Variants in SLC13A5 observed in about 807,000 individuals in gnomAD.
The protein encoded by SLC13A5 is solute carrier family 13 member 5.
A neutral mutation model predicts 56.5 loss-of-function variants in SLC13A5; 25 were observed. The observed-to-expected ratio is 0.44, with a 90% confidence interval of 0.32 to 0.62. The LOEUF is 0.62. Among genes scored for constraint, SLC13A5 ranks in the 20% least tolerant of loss-of-function variants. The probability of loss-of-function intolerance (pLI) is 0.04; values close to 1 mark genes in which losing one functional copy is unlikely to be tolerated. For missense variants in SLC13A5, 649 were observed against 737.8 expected, an observed-to-expected ratio of 0.88 and a Z score of 1.39; for synonymous variants, 307 against 301.5, an observed-to-expected ratio of 1.02 and a Z score of -0.19.
At chr17:6,689,080 A>G (rs1973325378) in intron 10 of SLC13A5, 2 of 152,216 alleles carry the variant, frequency 1.3e-5, no homozygotes, top group Admixed American at 1.3e-4. Context: ...CATCATCATC[A>G]CATATGTTGG....
chr17:6,692,811 G>A lies in SLC13A5; in HGVS notation c.1275+233C>T, dbSNP rs1326587986. The A allele has an allele frequency of 1.8e-6, 1 of 548,698 alleles. No individual in the cohort carries two copies. The allele number at this position is 548,698 out of a possible 1,614,324, so 34.0% of individuals were successfully genotyped here. A position where few individuals can be genotyped will look rare whatever the true frequency, so the allele number is the denominator to read the frequency against. On this transcript the variant is annotated intron_variant, in intron 9 of 11. Coordinates refer to ENST00000433363, the MANE Select transcript of SLC13A5 (RefSeq NM_177550.5). This position sits in a 1 kb window ranked among gnomAD's most constrained non-coding sequence, Gnocchi z 5.5. ...CCTCTGCCTCTCTTGGCTAACCACG[G>A]TCACTCATTCACTCATTCCTGCAAT...
In SLC13A5 at chr17:6,713,268, G is replaced by A. The variant is rs1974089281; in HGVS notation, c.66C>T (p.Leu22=). The A allele has an allele frequency of 1.9e-6, 3 of 1,614,036 alleles. No homozygotes were observed. The highest frequency in any genetic ancestry group is 1.3e-5 in the African/African-American group (1 of 75,060). The part of the protein sequence containing the change: ...KSFVILFVTP[L]LLLPLVILMP... ...TCAGAATGACGAGTGGCAGCAGCAG[G>A]AGCGGGGTGACGAACAAGATCACGA... Residue 22 remains leucine (L), a synonymous_variant, in exon 1 of 12, where the codon CTC becomes CTT. Coordinates refer to ENST00000433363, the MANE Select transcript of SLC13A5 (RefSeq NM_177550.5). The surrounding 1 kb of genome is among the most constrained non-coding windows in gnomAD (Gnocchi z 7.3).
intron 3 of SLC13A5, chr17:6,704,977 A>C (rs533105400): frequency 2.6e-4 from 40 of 152,390 alleles, no homozygotes; most frequent in African/African-American, 9.4e-4. Flanking sequence ...CCAGCTGTCC[A>C]AGGCTAGGGA....
chr17:6,704,102 C>A (rs766804296), intron 3 of SLC13A5, 46 bp from the exon 4 acceptor site: 6 of 1,566,854 alleles, frequency 3.8e-6, no homozygotes, highest in Non-Finnish European at 5.2e-6. Flanking sequence ...CCCCACCCCA[C>A]CCCCGTACTC....
At position 6,706,659 on chromosome 17, in the gene SLC13A5, C is replaced by T. The variant is rs1237616499; in HGVS notation, c.351G>A (p.Val117=). The part of the protein sequence containing the change: ...KRIALRTLLW[V]GAKPARLMLG... ...GTAATTACCGTGCAGGCTTGGCCCC[C>T]ACCCAGAGGAGCGTGCGCAGGGCGA... is the stretch of plus-strand genomic sequence containing the variant. The change falls in exon 3 of 12, where the codon GTG becomes GTA. Residue 117 remains valine (V), a synonymous_variant. Transcript: ENST00000433363. The T allele has an allele frequency of 6.2e-7, 1 of 1,613,732 alleles. No individual in the cohort carries two copies. Among genetic ancestry groups the T allele is most frequent in the Non-Finnish European group, 8.5e-7 (1 of 1,179,940 alleles).
intron 8 of SLC13A5, among the ~76,000 whole-genome samples, chr17:6,693,772 A>C (rs1046720446): frequency 1.3e-5 from 2 of 152,266 alleles, no homozygotes; most frequent in Non-Finnish European, 2.9e-5. Context: ...ATACAGGCAT[A>C]TTAGCAAAGA....
chr17:6,694,085 CAGG>C lies in SLC13A5; in HGVS notation c.1156+9_1156+11del. On this transcript the variant is annotated intron_variant, in intron 8 of 11. Coordinates refer to ENST00000433363, the MANE Select transcript of SLC13A5 (RefSeq NM_177550.5). ...AGTCCTGATGACTGGGCGATCAGAACAGGAGACTTACCTTCCTCAGTCTGGCTG... is the reference window on the plus strand; with the variant it reads ...AGTCCTGATGACTGGGCGATCAGAACAGACTTACCTTCCTCAGTCTGGCTG... 1 of 1,596,994 alleles carries C rather than the reference CAGG, an allele frequency of 6.3e-7. No homozygotes were observed. Among genetic ancestry groups the C allele is most frequent in the African/African-American group, 1.3e-5 (1 of 74,572 alleles).
chr17:6,704,531 A>C (rs982418540), intron 3 of SLC13A5: 4 of 325,842 alleles, frequency 1.2e-5, no homozygotes, highest in Non-Finnish European at 2.5e-5. Flanking sequence ...AGAAGTTCAG[A>C]AGGGCTAAGC....
chr17:6,696,059 G>C (rs1338553774), intron 6 of SLC13A5, 118 bp from the exon 7 acceptor site: 2 of 868,180 alleles, frequency 2.3e-6, no homozygotes, highest in East Asian at 5.1e-5. Flanking sequence ...TGCTGTCCTC[G>C]CCTGCTATGG....
At chr17:6,704,590 ATTCTCC>A in intron 3 of SLC13A5, 1 of 248,902 alleles carries the variant, frequency 4.0e-6, no homozygotes, top group South Asian at 5.1e-5. Context: ...AAGTGTGACT[ATTCTCC>A]CGGCTGCCAC....
At chr17:6,698,272 T>C (rs1973612747) in intron 6 of SLC13A5, among the ~76,000 whole-genome samples, 1 of 152,190 alleles carries the variant, frequency 6.6e-6, no homozygotes, top group African/African-American at 2.4e-5. Context: ...AGCCCCCTGC[T>C]GCAGACACTC....
chr17:6,691,025 C>T, intron 9 of SLC13A5, 85 bp from the exon 10 acceptor site: 1 of 1,447,868 alleles, frequency 6.9e-7, no homozygotes, highest in East Asian at 2.3e-5. Flanking sequence ...CCATCCTCCC[C>T]TCCCGACCCT....
chr17:6,696,032 A>G (rs1196516201), intron 6 of SLC13A5, 91 bp from the exon 7 acceptor site: 3 of 1,239,342 alleles, frequency 2.4e-6, no homozygotes, highest in Non-Finnish European at 3.5e-6. Context: ...AGCAGAATGT[A>G]GCAAAAAGAC....
intron 3 of SLC13A5, among the ~76,000 whole-genome samples, chr17:6,705,888 C>T (rs58629787): frequency 0.1 from 15,346 of 152,180 alleles, 933 homozygotes; most frequent in East Asian, 0.28. Context: ...GGGTCCAATC[C>T]CCGTGTGTCC....
intron 6 of SLC13A5, among the ~76,000 whole-genome samples, chr17:6,696,173 T>G (rs992149669): frequency 5.6e-4 from 85 of 152,136 alleles, no homozygotes; most frequent in African/African-American, 1.7e-3. Flanking sequence ...TCTCGGCAGG[T>G]GCCCAGACAC....
chr17:6,709,962 A>T (rs1289151769), intron 1 of SLC13A5, among the ~76,000 whole-genome samples: 1 of 152,224 alleles, frequency 6.6e-6, no homozygotes, highest in Non-Finnish European at 1.5e-5. Flanking sequence ...ACAGCAAAAA[A>T]TGTCTCTGTA....
rs1240708339 is a variant in SLC13A5 at position 6,701,518 on chromosome 17, T to C, written c.717-392A>G. Among the ~76,000 whole-genome samples the C allele has an allele frequency of 1.3e-5, 2 of 152,188 alleles. No individual in the cohort carries two copies. Among genetic ancestry groups the C allele is most frequent in the African/African-American group, 4.8e-5 (2 of 41,452 alleles). Reference sequence around the variant, plus strand: ...CAAGGTCAGGAGCTTAAGACTGGCCTGGCCAACATGGTGAAACCCCGTCTC... The same window carrying C: ...CAAGGTCAGGAGCTTAAGACTGGCCCGGCCAACATGGTGAAACCCCGTCTC... On this transcript the variant is annotated intron_variant, in intron 5 of 11. Coordinates refer to ENST00000433363, the MANE Select transcript of SLC13A5 (RefSeq NM_177550.5). This position sits in a 1 kb window ranked among gnomAD's most constrained non-coding sequence, Gnocchi z 4.1.
chr17:6,694,006 T>G (rs1973488062), intron 8 of SLC13A5, 91 bp downstream of exon 8: 1 of 693,766 alleles, frequency 1.4e-6, no homozygotes, highest in Non-Finnish European at 2.3e-6. Context: ...TGATGGGATT[T>G]TCTCCCTCTA....
At chr17:6,708,955 T>G (rs1356180747) in intron 1 of SLC13A5, among the ~76,000 whole-genome samples, 1 of 151,902 alleles carries the variant, frequency 6.6e-6, no homozygotes, top group African/African-American at 2.4e-5. Flanking sequence ...CCCCAGCCAG[T>G]AATCATTTTC....
Sources: gnomAD v4.1 joint callset for allele counts (sites outside exome capture counted in the v4.1 genomes callset) on GRCh38, gnomAD v4.1.1 for gene constraint, Gnocchi (gnomAD v3.1) non-coding constraint, MANE v1.5 for transcripts, NCBI Gene and HGNC (gene_info 2026-07-23, HGNC 2026-07-21) for gene names.